The following SGCD variants were observed in gnomAD, a reference collection of about 807,000 sequenced individuals.
SGCD encodes the protein sarcoglycan delta.
In SGCD, 18 loss-of-function variants were observed where a neutral mutation model predicts 36.6. That is an observed-to-expected ratio of 0.49 (90% CI 0.34 to 0.73). The LOEUF is 0.73. Among genes scored for constraint, SGCD ranks in the 30% least tolerant of loss-of-function variants. SGCD has a pLI of 0.01. For synonymous variants in SGCD, 133 were observed against 130.6 expected (o/e 1.02, Z -0.12); for missense variants, 387 against 346.7 (o/e 1.12, Z -0.92).
At chr5:156,210,815 G>A (rs1764420324) in intron 3 of SGCD, among the ~76,000 whole-genome samples, 1 of 152,038 alleles carries the variant, frequency 6.6e-6, no homozygotes, top group African/African-American at 2.4e-5. Context: ...GGAATTTACA[G>A]AAGAGCATCA....
intron 3 of SGCD, among the ~76,000 whole-genome samples, chr5:156,288,340 A>G (rs920038558): frequency 6.6e-6 from 1 of 152,162 alleles, no homozygotes; most frequent in Non-Finnish European, 1.5e-5. Flanking sequence ...TGTGTACCAT[A>G]AGGGCCGCTT....
chr5:156,241,287 T>TGTGTGTGTGC (rs1023757470), intron 3 of SGCD, among the ~76,000 whole-genome samples: 5 of 148,480 alleles, frequency 3.4e-5, no homozygotes, highest in African/African-American at 1.2e-4. Flanking sequence ...TGTGTGTGTG[T>TGTGTGTGTGC]GCATGTATGT....
chr5:156,468,101 C>G (rs7719992), intron 3 of SGCD, among the ~76,000 whole-genome samples: 53,203 of 151,980 alleles, frequency 0.35, 10,694 homozygotes, highest in African/African-American at 0.56. Flanking sequence ...GTAATCCCAG[C>G]ACTTCAGGCA....
At chr5:156,215,405 G>C (rs1764545093) in intron 3 of SGCD, among the ~76,000 whole-genome samples, 1 of 151,892 alleles carries the variant, frequency 6.6e-6, no homozygotes, top group South Asian at 2.1e-4. Flanking sequence ...CTTTGCACTG[G>C]GACAAAATAT....
chr5:156,391,764 A>C (rs992164660), intron 3 of SGCD, among the ~76,000 whole-genome samples: 1 of 152,204 alleles, frequency 6.6e-6, no homozygotes, highest in Non-Finnish European at 1.5e-5. Context: ...CTCTATATAC[A>C]TGTATGTGTT....
At chr5:156,486,608 C>T (rs1372986888) in intron 3 of SGCD, among the ~76,000 whole-genome samples, 1 of 152,186 alleles carries the variant, frequency 6.6e-6, no homozygotes, top group Non-Finnish European at 1.5e-5. Context: ...CTATTGCAGG[C>T]CTGAGGACAG....
chr5:156,400,544 G>C (rs62380752), intron 3 of SGCD, among the ~76,000 whole-genome samples: 28,216 of 152,070 alleles, frequency 0.19, 2,795 homozygotes, highest in Middle Eastern at 0.28. Context: ...AAAAGTTTTG[G>C]GTGGAGTATT....
chr5:156,470,101 T>A (rs1201705073), intron 3 of SGCD, among the ~76,000 whole-genome samples: 1 of 152,306 alleles, frequency 6.6e-6, no homozygotes, highest in East Asian at 1.9e-4. Flanking sequence ...GGAAAATAAG[T>A]TCACTTGTAT....
chr5:156,034,644 G>A (rs1055477975), intron 1 of SGCD, among the ~76,000 whole-genome samples: 3 of 152,126 alleles, frequency 2.0e-5, no homozygotes, highest in Admixed American at 6.5e-5. Flanking sequence ...TTATTCTCAG[G>A]ATGTGAAATT....
At chr5:156,185,850 TAGAGAGAG>T (rs201378824) in intron 3 of SGCD, among the ~76,000 whole-genome samples, 18 of 49,878 alleles carry the variant, frequency 3.6e-4, no homozygotes, top group African/African-American at 8.5e-4. Context: ...TATATATATA[TAGAGAGAG>T]AGAGAGAGAG....
At chr5:156,720,037 G>A (rs771217583) in intron 7 of SGCD, among the ~76,000 whole-genome samples, 1 of 152,092 alleles carries the variant, frequency 6.6e-6, no homozygotes, top group Non-Finnish European at 1.5e-5. Flanking sequence ...TCCTACCCTG[G>A]TAGTCCCAGA....
chr5:155,869,598 G>A (rs1561632475), upstream of SGCD, among the ~76,000 whole-genome samples: 1 of 151,934 alleles, frequency 6.6e-6, no homozygotes, highest in Non-Finnish European at 1.5e-5. Flanking sequence ...TGAACCCCAG[G>A]TCTGTCACGT....
At chr5:156,246,180 A>C (rs557376459) in intron 3 of SGCD, among the ~76,000 whole-genome samples, 1 of 152,304 alleles carries the variant, frequency 6.6e-6, no homozygotes, top group South Asian at 2.1e-4. Flanking sequence ...CACTAAGCAT[A>C]ATTCATGCCC....
At chr5:155,848,170 T>C in the SGCD span, among the ~76,000 whole-genome samples, 1,830 of 152,176 alleles carry the variant, frequency 0.012, 10 homozygotes, top group Non-Finnish European at 0.019. Flanking sequence ...AAGACATAAA[T>C]AAACATTCTC....
the SGCD span, among the ~76,000 whole-genome samples, chr5:155,756,746 T>G: frequency 6.6e-6 from 1 of 152,186 alleles, no homozygotes; most frequent in African/African-American, 2.4e-5. Flanking sequence ...GTATGGCTCA[T>G]GAATATTAAA....
chr5:156,525,907 C>T (rs1200060653), intron 4 of SGCD, among the ~76,000 whole-genome samples: 2 of 152,052 alleles, frequency 1.3e-5, no homozygotes, highest in African/African-American at 2.4e-5. Context: ...GGGTTTATTG[C>T]TCAGCTTTCT....
intron 6 of SGCD, among the ~76,000 whole-genome samples, chr5:156,602,165 CCTTG>C (rs1214330956): frequency 3.3e-5 from 5 of 152,128 alleles, no homozygotes; most frequent in Admixed American, 1.3e-4. Flanking sequence ...CTTTTCACCT[CCTTG>C]CTTAAGTTTA....
At chr5:155,868,091 G>A (rs1049737855), upstream of SGCD, among the ~76,000 whole-genome samples, 20 of 151,374 alleles carry the variant, frequency 1.3e-4, no homozygotes, top group East Asian at 1.9e-4. Flanking sequence ...TTGCTCTGTC[G>A]CCCAGGCTGT....
chr5:156,668,933 G>C (rs983222426), intron 7 of SGCD, among the ~76,000 whole-genome samples: 5 of 152,146 alleles, frequency 3.3e-5, no homozygotes, highest in Admixed American at 3.3e-4. Flanking sequence ...ATTGCAAGGT[G>C]GTCCCATACC....
Sources: gnomAD v4.1 joint callset for allele counts (sites outside exome capture counted in the v4.1 genomes callset) on GRCh38, gnomAD v4.1.1 for gene constraint, MANE v1.5 for transcripts, NCBI Gene and HGNC (gene_info 2026-07-23, HGNC 2026-07-21) for gene names.